ESRRA: variants seen among roughly 807,000 people sequenced by gnomAD.
ESRRA encodes the protein steroid hormone receptor ERR1.
In ESRRA, 7 loss-of-function variants were observed where a neutral mutation model predicts 35.6. The observed-to-expected ratio is 0.20, with a 90% CI of 0.11 to 0.37. ESRRA has a LOEUF of 0.37. Among genes scored for constraint, ESRRA ranks in the 10% least tolerant of loss-of-function variants. The pLI, the probability that ESRRA is intolerant of heterozygous loss-of-function variation, is 1.00. For missense variants in ESRRA, 378 were observed against 561.7 expected (o/e 0.67, Z 3.31); for synonymous variants, 223 against 246.9 (o/e 0.90, Z 0.91).
chr11:64,305,610 G>A lies in ESRRA; in HGVS notation c.-139G>A, dbSNP rs1045260207. On this transcript the variant is annotated 5_prime_UTR_variant, in exon 1 of 7. Transcript: ENST00000000442. This position sits in a 1 kb window ranked among gnomAD's most constrained non-coding sequence, Gnocchi z 5.8. ...CGGCGGCGCCGCCGAGTGAGGGGAC[G>A]CGGCGCGGTGGGGCGGCGCGGCCCG... is the stretch of plus-strand genomic sequence containing the variant. 1 of 150,848 alleles carries A rather than the reference G, an allele frequency of 6.6e-6. No individual in the cohort carries two copies. The highest frequency in any genetic ancestry group is 2.4e-5 in the African/African-American group (1 of 41,228). The allele number at this position is 150,848 out of a possible 1,614,324, so 9.3% of individuals were successfully genotyped here.
chr11:64,312,121 G>C (rs2035152957), intron 2 of ESRRA, among the ~76,000 whole-genome samples: 2 of 151,574 alleles, frequency 1.3e-5, no homozygotes, highest in African/African-American at 4.8e-5. Flanking sequence ...TGGGATTACA[G>C]ACATGCACCA....
At position 64,305,698 on chromosome 11, in the gene ESRRA, G is replaced by C. The variant is rs1167877036; in HGVS notation, c.-51G>C. The C allele has an allele frequency of 6.7e-6, 1 of 149,062 alleles. No homozygotes were observed. The highest frequency in any genetic ancestry group is 2.4e-5 in the African/African-American group (1 of 40,968). 9.2% of individuals were successfully genotyped at this position (149,062 alleles called of 1,614,324 possible). On this transcript the variant is annotated 5_prime_UTR_variant, in exon 1 of 7. Coordinates refer to ENST00000000442, the MANE Select transcript of ESRRA (RefSeq NM_004451.5). The surrounding 1 kb of genome is among the most constrained non-coding windows in gnomAD (Gnocchi z 5.8). The stretch of plus-strand genomic sequence containing the variant: ...CTCACTCCGGCACTCCGGGCCGCTC[G>C]GCCCCCATGCCTGCCCGACCGCGCT...
chr11:64,316,203 C>T lies in ESRRA; in HGVS notation c.*237C>T. ...CAGTGCTGCCCCTTGCAAGCCATAA[C>T]GTGCCCCCAGAGTGTAGGGGGCCTT... On this transcript the variant is annotated 3_prime_UTR_variant, in exon 7 of 7. Transcript: ENST00000000442. 4.1e-6 allele frequency: 2 copies of T among 490,318 alleles called. No homozygotes were observed. Among genetic ancestry groups the T allele is most frequent in the Non-Finnish European group, 7.2e-6 (2 of 277,884 alleles). The allele number at this position is 490,318 out of a possible 1,614,324, so 30.4% of individuals were successfully genotyped here. A position where few individuals can be genotyped will look rare whatever the true frequency, so the allele number is the denominator to read the frequency against.
At chr11:64,308,958 T>C (rs2035088481) in intron 2 of ESRRA, among the ~76,000 whole-genome samples, 1 of 143,988 alleles carries the variant, frequency 6.9e-6, no homozygotes, top group Admixed American at 7.1e-5. Flanking sequence ...CTACTGAAAA[T>C]ACAAAAATTA....
Position 64,315,216 on chromosome 11 carries a change from C to A in ESRRA, c.958C>A (p.Arg320=). The change falls in exon 6 of 7, where the codon CGG becomes AGG. Residue 320 remains arginine, a synonymous_variant. Transcript: ENST00000000442. The stretch of plus-strand genomic sequence containing the variant: ...ACTAGTGCGGCGGCTGCAGGCCCTG[C>A]GGCTGGAGCGAGAGGAGTATGTTCT... ...LQLVRRLQAL[R]LEREEYVLLK... 6.2e-7 allele frequency: 1 copy of A among 1,607,942 alleles called. No individual in the cohort carries two copies. Among genetic ancestry groups the A allele is most frequent in the Non-Finnish European group, 8.5e-7 (1 of 1,176,502 alleles).
chr11:64,314,162 G>T, intron 3 of ESRRA, 77 bp from the exon 4 acceptor site: 1 of 1,562,346 alleles, frequency 6.4e-7, no homozygotes, highest in East Asian at 2.3e-5. Context: ...GTGGACTCGG[G>T]GAGGACAGCT....
chr11:64,311,982 C>CTTTTTTTTTTTTTTTTTTTTTTTTTTTTT (rs544336819), intron 2 of ESRRA, among the ~76,000 whole-genome samples: 1 of 68,394 alleles, frequency 1.5e-5, no homozygotes. Context: ...TGCGCCTGGC[C>CTTTTTTTTTTTTTTTTTTTTTTTTTTTTT]TTTTTTTTTT....
At chr11:64,314,173 C>T in intron 3 of ESRRA, 66 bp from the exon 4 acceptor site, 3 of 1,569,728 alleles carry the variant, frequency 1.9e-6, no homozygotes, top group Non-Finnish European at 2.6e-6. Context: ...GAGGACAGCT[C>T]TGGAGAGCAA....
rs753654303 is a variant in ESRRA at position 64,307,524 on chromosome 11, C to T, written c.325+20C>T. The T allele has an allele frequency of 1.3e-6, 2 of 1,487,002 alleles. No individual in the cohort carries two copies. Among genetic ancestry groups the T allele is most frequent in the East Asian group, 2.4e-5 (1 of 42,312 alleles). 92.1% of individuals were successfully genotyped at this position (1,487,002 alleles called of 1,614,324 possible). A position where few individuals can be genotyped will look rare whatever the true frequency, so the allele number is the denominator to read the frequency against. On this transcript the variant is annotated intron_variant, in intron 2 of 6. Coordinates refer to ENST00000000442, the MANE Select transcript of ESRRA (RefSeq NM_004451.5). Reference sequence around the variant, plus strand: ...TCCAGGGTGAGCCCCCAGCCCACTCCCCTGTCCTTTGCCCTGCACCCTCTG... The same window carrying T: ...TCCAGGGTGAGCCCCCAGCCCACTCTCCTGTCCTTTGCCCTGCACCCTCTG...
At position 64,307,392 on chromosome 11, in the gene ESRRA, C is replaced by G; in HGVS notation, c.213C>G (p.Leu71=). Residue 71 remains leucine (L), a synonymous_variant, in exon 2 of 7, where the codon CTC becomes CTG. Transcript: ENST00000000442. ...PGEQGGGKLV[L]SSLPKRLCLV... is the part of the protein sequence containing the mutation. The stretch of plus-strand genomic sequence containing the variant: ...AGCAGGGCGGTGGGAAGCTGGTGCT[C>G]AGCTCCCTGCCCAAGCGCCTCTGCC... The G allele has an allele frequency of 6.3e-7, 1 of 1,598,754 alleles. No individual in the cohort carries two copies. Among genetic ancestry groups the G allele is most frequent in the Non-Finnish European group, 8.5e-7 (1 of 1,170,128 alleles).
Position 64,313,922 on chromosome 11 carries a change from G to A in ESRRA, c.326-29G>A, listed in dbSNP as rs771389655. On this transcript the variant is annotated intron_variant, in intron 2 of 6. Coordinates refer to ENST00000000442, the MANE Select transcript of ESRRA (RefSeq NM_004451.5). The surrounding 1 kb of genome is among the most constrained non-coding windows in gnomAD (Gnocchi z 4.0). The stretch of plus-strand genomic sequence containing the variant: ...GGTCCCCTCCCAGCCCCGGGAGGCC[G>A]CCACTGGAGCCCTGCCTCTTCCTGG... The A allele has an allele frequency of 1.1e-5, 17 of 1,493,558 alleles. No individual in the cohort carries two copies. The highest frequency in any genetic ancestry group is 1.4e-5 in the African/African-American group (1 of 72,074). 92.5% of individuals were successfully genotyped at this position (1,493,558 alleles called of 1,614,324 possible).
chr11:64,307,201 A>C lies in ESRRA; in HGVS notation c.22A>C (p.Ile8Leu), dbSNP rs373399001. The part of the protein sequence containing the change: MSSQVVG[I>L]EPLYIKAEPA... ...CGCCATGTCCAGCCAGGTGGTGGGC[A>C]TTGAGCCTCTCTACATCAAGGCAGA... The change falls in exon 2 of 7, where the codon ATT (isoleucine) becomes CTT (leucine). Residue 8 changes from isoleucine to leucine, a missense_variant. Transcript: ENST00000000442. The C allele has an allele frequency of 1.9e-5, 31 of 1,596,100 alleles. No individual in the cohort carries two copies. In the Admixed American group the frequency reaches 5.1e-4, roughly 26 times the overall value.
chr11:64,309,928 G>C (rs1215437686), intron 2 of ESRRA, among the ~76,000 whole-genome samples: 1 of 121,014 alleles, frequency 8.3e-6, no homozygotes, highest in Non-Finnish European at 1.6e-5. Context: ...GTGAGAGTTC[G>C]TATCAAAAAA....
chr11:64,313,882 C>G lies in ESRRA; in HGVS notation c.326-69C>G. The G allele has an allele frequency of 9.0e-7, 1 of 1,107,302 alleles. No individual in the cohort carries two copies. The highest frequency in any genetic ancestry group is 1.3e-6 in the Non-Finnish European group (1 of 764,330). The allele number at this position is 1,107,302 out of a possible 1,614,324, so 68.6% of individuals were successfully genotyped here. ...TGTGCTTGCCCGGGGAGAGTCAGGGCTCTCCTGTCAGCTGGGTCCCCTCCC... is the reference window on the plus strand; with the variant it reads ...TGTGCTTGCCCGGGGAGAGTCAGGGGTCTCCTGTCAGCTGGGTCCCCTCCC... On this transcript the variant is annotated intron_variant, in intron 2 of 6. Coordinates refer to ENST00000000442, the MANE Select transcript of ESRRA (RefSeq NM_004451.5). The surrounding 1 kb of genome is among the most constrained non-coding windows in gnomAD (Gnocchi z 4.0).
intron 6 of ESRRA, 73 bp downstream of exon 6, chr11:64,315,343 C>T: frequency 1.4e-6 from 2 of 1,463,250 alleles, no homozygotes; most frequent in Non-Finnish European, 9.1e-7. Flanking sequence ...GACGGTAGCA[C>T]AGCCCCATTT....
intron 6 of ESRRA, 101 bp from the exon 7 acceptor site, chr11:64,315,606 G>T: frequency 6.7e-7 from 1 of 1,482,430 alleles, no homozygotes; most frequent in Non-Finnish European, 9.2e-7. Context: ...ACAAATCCTC[G>T]TTTGGCTCTT....
In ESRRA at chr11:64,313,062, G is replaced by A. The variant is rs528997283; in HGVS notation, c.326-889G>A. Among the ~76,000 whole-genome samples the A allele has an allele frequency of 3.9e-5, 6 of 152,218 alleles. No homozygotes were observed. The highest frequency in any genetic ancestry group is 7.4e-5 in the Non-Finnish European group (5 of 68,016). Reference sequence around the variant, plus strand: ...ATAGGACCCTCTTGGCTGCTGAGTCGAGAACAGACTGGAGCAAGCAGGGAC... The same window carrying A: ...ATAGGACCCTCTTGGCTGCTGAGTCAAGAACAGACTGGAGCAAGCAGGGAC... On this transcript the variant is annotated intron_variant, in intron 2 of 6. Transcript: ENST00000000442. The surrounding 1 kb of genome is among the most constrained non-coding windows in gnomAD (Gnocchi z 4.0).
intron 2 of ESRRA, among the ~76,000 whole-genome samples, chr11:64,309,154 C>T (rs1331534663): frequency 6.6e-6 from 1 of 151,056 alleles, no homozygotes; most frequent in African/African-American, 2.4e-5. Context: ...CCCAAAAACG[C>T]TGGGCTTGGT....
In ESRRA at chr11:64,313,446, A is replaced by G. The variant is rs1433101523; in HGVS notation, c.326-505A>G. On this transcript the variant is annotated intron_variant, in intron 2 of 6. Transcript: ENST00000000442. The surrounding 1 kb of genome is among the most constrained non-coding windows in gnomAD (Gnocchi z 4.0). ...GGGATTGGAGATGAGCTCCAAGGAC[A>G]GCCCTGGCAGTCTGGATGGAAGAGC... Among the ~76,000 whole-genome samples the G allele has an allele frequency of 6.6e-6, 1 of 152,194 alleles. No homozygotes were observed. Among genetic ancestry groups the G allele is most frequent in the Non-Finnish European group, 1.5e-5 (1 of 68,028 alleles).
Sources: allele counts gnomAD v4.1 joint callset (sites outside exome capture counted in the v4.1 genomes callset), GRCh38; gene constraint gnomAD v4.1.1; non-coding constraint Gnocchi (gnomAD v3.1); transcripts MANE v1.5; gene names NCBI Gene and HGNC (gene_info 2026-07-23, HGNC 2026-07-21).